The following MBD5 variants were observed in gnomAD, a reference collection of about 807,000 sequenced individuals.
The protein encoded by MBD5 is methyl-CpG binding domain protein 5, also known as methyl-CpG-binding domain protein 5.
MBD5 carries 13 observed loss-of-function variants against 117.3 expected under a neutral mutation model. The observed-to-expected ratio is 0.11, with a 90% confidence interval of 0.07 to 0.18. The LOEUF is 0.18. Ranked by LOEUF, MBD5 falls within the 10% of genes least tolerant of loss-of-function variation. MBD5 has a pLI of 1.00. For missense variants in MBD5, 1,879 were observed against 2,093.8 expected (o/e 0.90, Z 2.00); for synonymous variants, 727 against 766.4 (o/e 0.95, Z 0.85).
At chr2:148,404,521 C>G (rs529533024) in intron 4 of MBD5, among the ~76,000 whole-genome samples, 1 of 152,312 alleles carries the variant, frequency 6.6e-6, no homozygotes, top group South Asian at 2.1e-4. Context: ...TAAACTCACA[C>G]TGCATTGGTC....
chr2:148,143,481 T>G (rs1242050924), intron 1 of MBD5, among the ~76,000 whole-genome samples: 6 of 152,142 alleles, frequency 3.9e-5, no homozygotes, highest in Non-Finnish European at 5.9e-5. Context: ...TGAAATCAAT[T>G]TTTTTTAATT....
intron 4 of MBD5, among the ~76,000 whole-genome samples, chr2:148,398,573 T>C (rs1286122951): frequency 6.6e-6 from 1 of 152,192 alleles, no homozygotes; most frequent in African/African-American, 2.4e-5. Flanking sequence ...GATGAGTAGA[T>C]TGCAAAAAGT....
At chr2:148,345,093 T>C (rs1340566912) in intron 4 of MBD5, among the ~76,000 whole-genome samples, 1 of 151,714 alleles carries the variant, frequency 6.6e-6, no homozygotes, top group Non-Finnish European at 1.5e-5. Context: ...ATAACGTATG[T>C]CTTCAAGATG....
Position 148,489,660 on chromosome 2 carries a change from G to A in MBD5, c.4028G>A (p.Ser1343Asn), listed in dbSNP as rs778809485. 1 of 1,614,062 alleles carries A rather than the reference G, an allele frequency of 6.2e-7. No homozygotes were observed. Among genetic ancestry groups the A allele is most frequent in the Non-Finnish European group, 8.5e-7 (1 of 1,180,044 alleles). Residue 1343 changes from serine to asparagine, a missense_variant, in exon 11 of 14, where the codon AGT becomes AAT. Around this residue, in one of 4 missense-constraint regions of MBD5, gnomAD observed 1,666 missense variants for 1,792.2 expected, o/e 0.93. Coordinates refer to ENST00000642680, the MANE Select transcript of MBD5 (RefSeq NM_001378120.1). ...GTTGTCATCACCACTGCAGTCAACAGTACAACTCAGATCAGCCCCATTCCA... is the reference window on the plus strand; with the variant it reads ...GTTGTCATCACCACTGCAGTCAACAATACAACTCAGATCAGCCCCATTCCA... ...MQVVITTAVN[S>N]TTQISPIPAL...
At chr2:148,423,844 G>A (rs977540329) in intron 4 of MBD5, among the ~76,000 whole-genome samples, 1 of 151,952 alleles carries the variant, frequency 6.6e-6, no homozygotes, top group Admixed American at 6.6e-5. Flanking sequence ...CAAAATAAAG[G>A]GATAAAGTAA....
At chr2:148,303,426 G>T (rs566102748) in intron 3 of MBD5, among the ~76,000 whole-genome samples, 8 of 152,274 alleles carry the variant, frequency 5.3e-5, no homozygotes, top group African/African-American at 1.7e-4. Flanking sequence ...GGGAGCAAGG[G>T]GAAGTATTGG....
intron 8 of MBD5, 22 bp from the exon 9 acceptor site, chr2:148,483,088 G>T (rs973980586): frequency 6.7e-6 from 9 of 1,340,612 alleles, no homozygotes; most frequent in African/African-American, 2.9e-5. Context: ...TGGGTTTTGT[G>T]TTTTTTTTTT....
intron 4 of MBD5, among the ~76,000 whole-genome samples, chr2:148,457,769 A>G (rs984889515): frequency 3.3e-5 from 5 of 152,166 alleles, no homozygotes; most frequent in South Asian, 2.1e-4. Context: ...CCAAAACTGT[A>G]TAATGATTAG....
intron 11 of MBD5, among the ~76,000 whole-genome samples, chr2:148,492,522 C>T (rs1240921255): frequency 6.6e-6 from 1 of 151,864 alleles, no homozygotes; most frequent in East Asian, 1.9e-4. Context: ...ATACATGAAA[C>T]ATTTATCTAT....
Position 148,490,131 on chromosome 2 carries a change from A to G in MBD5, c.4499A>G (p.Asn1500Ser), listed in dbSNP as rs1424478334. ...DKILEENFRY[N>S]NYKRTMMSFK... ...ATTCTAGAGGAAAATTTCAGGTATAATAACTACAAAAGAACTATGATGAGT... is the reference window on the plus strand; with the variant it reads ...ATTCTAGAGGAAAATTTCAGGTATAGTAACTACAAAAGAACTATGATGAGT... Residue 1500 changes from asparagine (N) to serine (S), a missense_variant, in exon 11 of 14, where the codon AAT (asparagine) becomes AGT (serine). Asn to Ser is a conservative substitution (Grantham distance 46, BLOSUM62 1). Coordinates refer to ENST00000642680, the MANE Select transcript of MBD5 (RefSeq NM_001378120.1). 1.2e-6 allele frequency: 2 copies of G among 1,614,100 alleles called. No individual in the cohort carries two copies. Among genetic ancestry groups the G allele is most frequent in the Non-Finnish European group, 1.7e-6 (2 of 1,180,014 alleles).
chr2:148,502,938 A>G (rs1681917376), intron 12 of MBD5: 1 of 194,488 alleles, frequency 5.1e-6, no homozygotes, highest in African/African-American at 2.4e-5. Context: ...AAGTGATGCT[A>G]AATAAAGATT....
At chr2:148,412,604 T>C (rs1179418478) in intron 4 of MBD5, among the ~76,000 whole-genome samples, 1 of 152,126 alleles carries the variant, frequency 6.6e-6, no homozygotes, top group African/African-American at 2.4e-5. Flanking sequence ...GGAAGTTTCT[T>C]CCATTTGTTG....
intron 2 of MBD5, among the ~76,000 whole-genome samples, chr2:148,203,810 G>A (rs1699204942): frequency 6.6e-6 from 1 of 151,820 alleles, no homozygotes; most frequent in African/African-American, 2.4e-5. Context: ...AGCAATACCT[G>A]TAGCAACATA....
intron 4 of MBD5, among the ~76,000 whole-genome samples, chr2:148,363,157 T>C (rs1165752208): frequency 5.3e-5 from 8 of 152,078 alleles, no homozygotes; most frequent in Non-Finnish European, 1.0e-4. Flanking sequence ...TTGACAGAAG[T>C]AGGCTTCAGA....
chr2:148,164,460 A>G (rs904211133), intron 1 of MBD5, among the ~76,000 whole-genome samples: 2 of 152,112 alleles, frequency 1.3e-5, no homozygotes, highest in African/African-American at 4.8e-5. Context: ...ACCAGTATTT[A>G]AGTATTATAT....
At chr2:148,438,141 G>A (rs1706209489) in intron 4 of MBD5, among the ~76,000 whole-genome samples, 1 of 152,132 alleles carries the variant, frequency 6.6e-6, no homozygotes, top group South Asian at 2.1e-4. Context: ...ATCCAGTATT[G>A]GAAATGATGC....
At chr2:148,180,493 A>G (rs570329804) in intron 2 of MBD5, among the ~76,000 whole-genome samples, 1 of 151,522 alleles carries the variant, frequency 6.6e-6, no homozygotes, top group Non-Finnish European at 1.5e-5. Flanking sequence ...TGCATTAACC[A>G]TGCCGGGCAC....
intron 2 of MBD5, among the ~76,000 whole-genome samples, chr2:148,185,590 T>C (rs942649298): frequency 2.6e-5 from 4 of 152,202 alleles, no homozygotes; most frequent in Non-Finnish European, 5.9e-5. Flanking sequence ...AGTAATACAC[T>C]ACTGATTTCT....
At chr2:148,424,227 C>T (rs1705707599) in intron 4 of MBD5, among the ~76,000 whole-genome samples, 5 of 123,716 alleles carry the variant, frequency 4.0e-5, no homozygotes, top group Admixed American at 2.6e-4. Context: ...CAGCAGAGGT[C>T]GTAATCCTAG....
Sources: allele counts gnomAD v4.1 joint callset (sites outside exome capture counted in the v4.1 genomes callset), GRCh38; gene constraint gnomAD v4.1.1; regional missense constraint gnomAD v4.1.1; transcripts MANE v1.5; gene names NCBI Gene and HGNC (gene_info 2026-07-23, HGNC 2026-07-21).